The following GPC5 variants were observed in gnomAD, a reference collection of about 807,000 sequenced individuals.
The protein encoded by GPC5 is glypican-5.
GPC5 carries 47 observed loss-of-function variants against 53.9 expected under a neutral mutation model. That is an observed-to-expected ratio of 0.87 (90% CI 0.69 to 1.11). GPC5 has a LOEUF of 1.11. Among genes scored for constraint, GPC5 ranks in the 50% most tolerant of loss-of-function variants. The probability of loss-of-function intolerance (pLI) is 0.00; values close to 1 mark genes in which losing one functional copy is unlikely to be tolerated. For synonymous variants in GPC5, 286 were observed against 263.3 expected (o/e 1.09, Z -0.84); for missense variants, 748 against 713.1 (o/e 1.05, Z -0.56).
chr13:92,473,797 T>C (rs1483556187), intron 7 of GPC5, among the ~76,000 whole-genome samples: 5 of 152,148 alleles, frequency 3.3e-5, no homozygotes, highest in Admixed American at 3.3e-4. Context: ...TATATGCTCA[T>C]TAAGGAAATG....
At chr13:91,567,567 A>G (rs2031590938) in intron 2 of GPC5, among the ~76,000 whole-genome samples, 1 of 152,142 alleles carries the variant, frequency 6.6e-6, no homozygotes, top group African/African-American at 2.4e-5. Flanking sequence ...AGTTGTTTTC[A>G]GAAGCAGTTA....
chr13:91,748,342 A>C (rs1292833529), intron 4 of GPC5, among the ~76,000 whole-genome samples: 1 of 152,160 alleles, frequency 6.6e-6, no homozygotes, highest in Non-Finnish European at 1.5e-5. Context: ...CTATTTTTTA[A>C]TGCAACACAC....
intron 2 of GPC5, among the ~76,000 whole-genome samples, chr13:91,576,930 T>TAA (rs5805706): frequency 4.5e-4 from 67 of 149,656 alleles, no homozygotes; most frequent in African/African-American, 1.6e-3. Context: ...GGTTCATCTG[T>TAA]AAAAAAAAAA....
chr13:91,735,528 T>G (rs2036795979), intron 4 of GPC5, among the ~76,000 whole-genome samples: 1 of 151,424 alleles, frequency 6.6e-6, no homozygotes, highest in African/African-American at 2.5e-5. Context: ...TTACTCTCAT[T>G]TTCAAAATTC....
chr13:91,966,337 A>T (rs1332635120), intron 6 of GPC5, among the ~76,000 whole-genome samples: 1 of 152,226 alleles, frequency 6.6e-6, no homozygotes, highest in Non-Finnish European at 1.5e-5. Flanking sequence ...GTAAATGGTC[A>T]GAAAAGAGAT....
At chr13:91,573,546 CTCT>C (rs1466070114) in intron 2 of GPC5, among the ~76,000 whole-genome samples, 1 of 152,064 alleles carries the variant, frequency 6.6e-6, no homozygotes, top group African/African-American at 2.4e-5. Context: ...TGTGAAATGC[CTCT>C]TAAGAGCTCA....
intron 5 of GPC5, among the ~76,000 whole-genome samples, chr13:91,847,908 A>AAT (rs2038870240): frequency 1.3e-5 from 2 of 152,312 alleles, no homozygotes; most frequent in South Asian, 4.1e-4. Flanking sequence ...TATAGTAGAA[A>AAT]ATACAGCCTC....
intron 2 of GPC5, among the ~76,000 whole-genome samples, chr13:91,558,676 A>G (rs2031089594): frequency 1.3e-5 from 2 of 152,030 alleles, no homozygotes; most frequent in South Asian, 2.1e-4. Context: ...TTCTTTGGCA[A>G]TGCTTGAGGA....
chr13:92,419,196 G>A (rs1260320169), intron 7 of GPC5, among the ~76,000 whole-genome samples: 2 of 152,098 alleles, frequency 1.3e-5, no homozygotes, highest in African/African-American at 4.8e-5. Flanking sequence ...ACCACTGTGG[G>A]AAGACAAATC....
At chr13:92,128,662 T>C (rs1054300698) in intron 6 of GPC5, among the ~76,000 whole-genome samples, 1 of 152,162 alleles carries the variant, frequency 6.6e-6, no homozygotes, top group African/African-American at 2.4e-5. Context: ...CAGGCATGCT[T>C]TTAATTTAAG....
chr13:92,371,293 T>C (rs1434837006), intron 7 of GPC5, among the ~76,000 whole-genome samples: 2 of 152,244 alleles, frequency 1.3e-5, no homozygotes, highest in African/African-American at 4.8e-5. Context: ...TTGGCTTCCA[T>C]ATTCTTTATC....
intron 5 of GPC5, among the ~76,000 whole-genome samples, chr13:91,824,825 TTAAA>T (rs1318232248): frequency 6.6e-6 from 1 of 152,126 alleles, no homozygotes; most frequent in Non-Finnish European, 1.5e-5. Context: ...TGAAACTTTA[TTAAA>T]TAGTTATTAT....
intron 6 of GPC5, among the ~76,000 whole-genome samples, chr13:92,067,951 G>C (rs943161529): frequency 1.3e-5 from 2 of 151,858 alleles, no homozygotes; most frequent in Non-Finnish European, 2.9e-5. Flanking sequence ...TGTTTTGATT[G>C]CAACTCTAAA....
chr13:91,642,341 A>G (rs1227202210), intron 2 of GPC5, among the ~76,000 whole-genome samples: 1 of 152,238 alleles, frequency 6.6e-6, no homozygotes, highest in Non-Finnish European at 1.5e-5. Context: ...ACAGAGGCGT[A>G]AACACAGTGA....
chr13:92,508,730 C>G (rs1295781896), intron 7 of GPC5, among the ~76,000 whole-genome samples: 1 of 152,134 alleles, frequency 6.6e-6, no homozygotes, highest in Non-Finnish European at 1.5e-5. Flanking sequence ...AAAAGACATT[C>G]TCTTTACAGG....
chr13:91,634,845 C>T (rs9301745), intron 2 of GPC5, among the ~76,000 whole-genome samples: 23,903 of 151,946 alleles, frequency 0.16, 3,405 homozygotes, highest in African/African-American at 0.38. Context: ...GCTGAAGAGA[C>T]AGAGAATAAT....
chr13:92,572,349 T>C (rs1184011672), intron 7 of GPC5, among the ~76,000 whole-genome samples: 1 of 152,160 alleles, frequency 6.6e-6, no homozygotes, highest in African/African-American at 2.4e-5. Context: ...GTCCAACCAT[T>C]GTTGTCCATT....
At chr13:92,401,775 G>T (rs892339680) in intron 7 of GPC5, among the ~76,000 whole-genome samples, 1 of 152,084 alleles carries the variant, frequency 6.6e-6, no homozygotes, top group African/African-American at 2.4e-5. Context: ...AATTACCTGA[G>T]CATAAATTGA....
chr13:92,527,089 T>A (rs952769079), intron 7 of GPC5, among the ~76,000 whole-genome samples: 5 of 91,000 alleles, frequency 5.5e-5, no homozygotes, highest in African/African-American at 1.1e-4. Flanking sequence ...AATATGAGAT[T>A]CTGTAGGAAA....
Sources: gnomAD v4.1 joint callset for allele counts (sites outside exome capture counted in the v4.1 genomes callset) on GRCh38, gnomAD v4.1.1 for gene constraint, MANE v1.5 for transcripts, NCBI Gene and HGNC (gene_info 2026-07-23, HGNC 2026-07-21) for gene names.